The following PPP2R2B variants were observed in gnomAD, a reference collection of about 807,000 sequenced individuals.
The protein encoded by PPP2R2B is protein phosphatase 2 regulatory subunit Bbeta.
A neutral mutation model predicts 46.0 loss-of-function variants in PPP2R2B; 5 were observed. The observed-to-expected ratio is 0.11, with a 90% CI of 0.06 to 0.23. The LOEUF is 0.23. Among genes scored for constraint, PPP2R2B ranks in the 10% least tolerant of loss-of-function variants. The pLI, the probability that PPP2R2B is intolerant of heterozygous loss-of-function variation, is 1.00. For missense variants in PPP2R2B, 367 were observed against 575.0 expected (o/e 0.64, Z 3.70); for synonymous variants, 215 against 206.7 (o/e 1.04, Z -0.34).
At chr5:146,779,965 C>A (rs1368164149) in intron 2 of PPP2R2B, among the ~76,000 whole-genome samples, 3 of 152,130 alleles carry the variant, frequency 2.0e-5, no homozygotes, top group Admixed American at 2.0e-4. Context: ...TTTGGAGATT[C>A]TGGACACTAA....
In PPP2R2B at chr5:147,015,527, G is replaced by A. The variant is rs78920244; in HGVS notation, c.79+40138C>T. On this transcript the variant is annotated intron_variant, in intron 1 of 8. Transcript: ENST00000336640. ...CTAAATCAAAAGCCATCTCCTTCAT[G>A]GAGCCTTCTCTGATTCCTCCAGCAG... is the stretch of plus-strand genomic sequence containing the variant. 2.6e-3 allele frequency among the ~76,000 whole-genome samples: 393 copies of A among 151,524 alleles called. 4 individuals are homozygous for A. Among genetic ancestry groups the A allele is most frequent in the African/African-American group, 8.6e-3 (357 of 41,504 alleles).
intron 2 of PPP2R2B, among the ~76,000 whole-genome samples, chr5:146,777,813 C>G (rs939455795): frequency 6.6e-6 from 1 of 152,108 alleles, no homozygotes; most frequent in Non-Finnish European, 1.5e-5. Flanking sequence ...CTGGAACAGG[C>G]AAAATGTAAT....
At chr5:146,726,341 A>C (rs572231671) in intron 2 of PPP2R2B, among the ~76,000 whole-genome samples, 76 of 152,264 alleles carry the variant, frequency 5.0e-4, no homozygotes, top group African/African-American at 1.8e-3. Flanking sequence ...GCTGCTGAGG[A>C]CAAAGAGTGG....
chr5:146,963,013 T>C (rs1207329607), intron 1 of PPP2R2B, among the ~76,000 whole-genome samples: 1 of 152,222 alleles, frequency 6.6e-6, no homozygotes, highest in Non-Finnish European at 1.5e-5. Context: ...TGCTGACTCA[T>C]CTTTGAGATG....
rs1288410355 is a variant in PPP2R2B at position 146,878,307 on chromosome 5, G to T, written c.-124-112C>A. On this transcript the variant is annotated intron_variant, in intron 1 of 9. Transcript: ENST00000394411. This position sits in a 1 kb window ranked among gnomAD's most constrained non-coding sequence, Gnocchi z 4.5. ...TGCGGCGGCTCCTCCCGCGCGGTGC[G>T]CTCACTCCAGCTCCAGTTCCCAGCG... is the stretch of plus-strand genomic sequence containing the variant. The T allele has an allele frequency of 3.5e-6, 5 of 1,443,414 alleles. No homozygotes were observed. The East Asian group carries it at 1.0e-4, about 29-fold the overall frequency. The allele number at this position is 1,443,414 out of a possible 1,614,324, so 89.4% of individuals were successfully genotyped here. A position where few individuals can be genotyped will look rare whatever the true frequency, so the allele number is the denominator to read the frequency against.
chr5:146,759,105 A>G (rs1364987523), intron 2 of PPP2R2B, among the ~76,000 whole-genome samples: 1 of 152,098 alleles, frequency 6.6e-6, no homozygotes, highest in East Asian at 1.9e-4. Flanking sequence ...CTTGTCTCAT[A>G]CTCAGCAGCT....
chr5:146,779,063 C>T (rs749310065), intron 2 of PPP2R2B, among the ~76,000 whole-genome samples: 10 of 152,200 alleles, frequency 6.6e-5, no homozygotes, highest in Non-Finnish European at 1.3e-4. Flanking sequence ...CCATTTGATT[C>T]GTGGGCTGAG....
intron 2 of PPP2R2B, among the ~76,000 whole-genome samples, chr5:146,704,770 CTAGACTGGTA>C (rs1246144600): frequency 1.3e-5 from 2 of 152,012 alleles, no homozygotes; most frequent in Non-Finnish European, 2.9e-5. Context: ...TACAAAAGTT[CTAGACTGGTA>C]ATTTCATACA....
intron 2 of PPP2R2B, among the ~76,000 whole-genome samples, chr5:146,785,010 G>A (rs1314350071): frequency 6.6e-6 from 1 of 152,142 alleles, no homozygotes; most frequent in Non-Finnish European, 1.5e-5. Flanking sequence ...CACACCCATG[G>A]AGAATAAAGT....
Position 147,073,363 on chromosome 5 carries a change from A to G in PPP2R2B, c.50+7696T>C, listed in dbSNP as rs149170587. On this transcript the variant is annotated intron_variant, in intron 2 of 10. Coordinates refer to the PPP2R2B transcript ENST00000394413. Reference sequence around the variant, plus strand: ...CCTGCAGAGTACAGCAAGCCTCCTCATATCAAGACATTCTCCATCACAGCT... The same window carrying G: ...CCTGCAGAGTACAGCAAGCCTCCTCGTATCAAGACATTCTCCATCACAGCT... Among the ~76,000 whole-genome samples, 5 of 152,282 alleles carry G rather than the reference A, an allele frequency of 3.3e-5. No individual in the cohort carries two copies. The East Asian group carries it at 9.7e-4, about 29-fold the overall frequency.
intron 1 of PPP2R2B, among the ~76,000 whole-genome samples, chr5:147,006,284 C>A (rs1390567596): frequency 6.6e-6 from 1 of 152,164 alleles, no homozygotes; most frequent in South Asian, 2.1e-4. Flanking sequence ...TCTTAAAGTA[C>A]TTACAGAATC....
At chr5:147,051,310 C>T (rs141211761) in intron 1 of PPP2R2B, among the ~76,000 whole-genome samples, 207 of 152,158 alleles carry the variant, frequency 1.4e-3, no homozygotes, top group Middle Eastern at 3.4e-3. Context: ...GAGACAATGG[C>T]GTTTAATAAG....
At chr5:146,828,028 A>C (rs1333691208) in intron 2 of PPP2R2B, among the ~76,000 whole-genome samples, 1 of 151,944 alleles carries the variant, frequency 6.6e-6, no homozygotes. Flanking sequence ...AGAGAGACAG[A>C]GACAGAGACA....
chr5:146,817,068 G>A (rs1180760504), intron 2 of PPP2R2B, among the ~76,000 whole-genome samples: 1 of 152,144 alleles, frequency 6.6e-6, no homozygotes, highest in African/African-American at 2.4e-5. Context: ...TCCCCTCCCT[G>A]TATGCAGGCA....
chr5:147,035,809 CA>C (rs1205049184), intron 1 of PPP2R2B, among the ~76,000 whole-genome samples: 1 of 149,088 alleles, frequency 6.7e-6, no homozygotes, highest in Admixed American at 6.7e-5. Flanking sequence ...GAAAAAAAAA[CA>C]GTTTGGATGT....
intron 2 of PPP2R2B, among the ~76,000 whole-genome samples, chr5:146,745,208 A>G (rs56893200): frequency 0.13 from 3,335 of 26,422 alleles, 254 homozygotes; most frequent in South Asian, 0.24. Context: ...GAGAGAGAGA[A>G]AGAGACTATA....
upstream of PPP2R2B, among the ~76,000 whole-genome samples, chr5:146,880,263 T>A (rs1355937682): frequency 6.6e-6 from 1 of 151,940 alleles, no homozygotes; most frequent in Non-Finnish European, 1.5e-5. Context: ...TAGATTCTAT[T>A]TTATTTTCAT....
chr5:146,826,283 C>A (rs978193998), intron 2 of PPP2R2B, among the ~76,000 whole-genome samples: 1 of 152,142 alleles, frequency 6.6e-6, no homozygotes, highest in African/African-American at 2.4e-5. Flanking sequence ...TTCAAATTCT[C>A]AACCATCATG....
chr5:146,688,535 G>A (rs930505580), intron 5 of PPP2R2B, among the ~76,000 whole-genome samples: 1 of 151,802 alleles, frequency 6.6e-6, no homozygotes, highest in Non-Finnish European at 1.5e-5. Flanking sequence ...CATCAGTTAG[G>A]TTGTTAGGTT....
Sources: allele counts gnomAD v4.1 joint callset (sites outside exome capture counted in the v4.1 genomes callset), GRCh38; gene constraint gnomAD v4.1.1; non-coding constraint Gnocchi (gnomAD v3.1); transcripts MANE v1.5; gene names NCBI Gene and HGNC (gene_info 2026-07-23, HGNC 2026-07-21).